Variants in SS18 observed in about 807,000 individuals in gnomAD.
SS18 encodes the protein SS18 subunit of BAF chromatin remodeling complex, also known as protein SSXT.
Under a neutral mutation model 72.5 loss-of-function variants are expected in SS18, and 28 were observed. The observed-to-expected ratio is 0.39, with a 90% CI of 0.29 to 0.53. The LOEUF (loss-of-function observed/expected upper bound fraction) is 0.53. SS18 is among the 20% of genes least tolerant of loss of function. The pLI, the probability that SS18 is intolerant of heterozygous loss-of-function variation, is 0.76. For missense variants in SS18, 518 were observed against 535.3 expected (o/e 0.97, Z 0.32); for synonymous variants, 172 against 164.2 (o/e 1.05, Z -0.37).
At chr18:26,050,537 GT>G (rs2143965696) in intron 5 of SS18, among the ~76,000 whole-genome samples, 1 of 151,912 alleles carries the variant, frequency 6.6e-6, no homozygotes, top group East Asian at 1.9e-4. Context: ...TTATTAAAAG[GT>G]AACATATAAT....
intron 10 of SS18, among the ~76,000 whole-genome samples, chr18:26,029,271 CTTGTAGGCCAGTATATCATATGGCT>C (rs2053503520): frequency 6.6e-6 from 1 of 152,116 alleles, no homozygotes; most frequent in Non-Finnish European, 1.5e-5. Context: ...CCTATATGGC[CTTGTAGGCCAGTATATCATATGGCT>C]TTTACTTAAA....
chr18:26,050,612 C>T (rs1364217904), intron 5 of SS18, among the ~76,000 whole-genome samples: 1 of 152,040 alleles, frequency 6.6e-6, no homozygotes, highest in Non-Finnish European at 1.5e-5. Flanking sequence ...CACTGTATAA[C>T]TTTCTTTTTT....
intron 2 of SS18, among the ~76,000 whole-genome samples, chr18:26,086,865 T>C (rs2054623921): frequency 6.6e-6 from 1 of 152,202 alleles, no homozygotes; most frequent in Admixed American, 6.5e-5. Context: ...GTCATTATTG[T>C]ATAATGCAGG....
At chr18:26,073,220 T>C (rs927702034) in intron 3 of SS18, among the ~76,000 whole-genome samples, 3 of 152,158 alleles carry the variant, frequency 2.0e-5, no homozygotes, top group South Asian at 2.1e-4. Flanking sequence ...TGTATTTTTA[T>C]CAACCAATGC....
intron 6 of SS18, among the ~76,000 whole-genome samples, chr18:26,038,905 A>T (rs947768359): frequency 1.3e-5 from 2 of 152,134 alleles, no homozygotes; most frequent in Non-Finnish European, 2.9e-5. Context: ...AACTCAGAAA[A>T]ACAAATGCTA....
intron 5 of SS18, among the ~76,000 whole-genome samples, chr18:26,051,217 T>C (rs951882962): frequency 6.6e-6 from 1 of 152,232 alleles, no homozygotes; most frequent in African/African-American, 2.4e-5. Flanking sequence ...AGAAGAAATT[T>C]ATAACTATGA....
At chr18:26,087,612 T>A (rs755311511) in intron 1 of SS18, 35 bp from the exon 2 acceptor site, 10 of 1,215,516 alleles carry the variant, frequency 8.2e-6, no homozygotes, top group Admixed American at 6.3e-5. Context: ...AGCATAAAAC[T>A]AGTGCATCAA....
intron 10 of SS18, among the ~76,000 whole-genome samples, chr18:26,025,344 G>C (rs371915781): frequency 3.9e-4 from 59 of 152,024 alleles, no homozygotes; most frequent in African/African-American, 1.4e-3. Flanking sequence ...TAAAACCCAA[G>C]TAAGCAGAAA....
In SS18 at chr18:26,018,136, T is replaced by C. The variant is rs2053280921; in HGVS notation, c.*218A>G. 9.1e-6 allele frequency: 4 copies of C among 441,460 alleles called. No homozygotes were observed. Among genetic ancestry groups the C allele is most frequent in the African/African-American group, 4.0e-5 (2 of 49,582 alleles). The allele number at this position is 441,460 out of a possible 1,614,324, so 27.3% of individuals were successfully genotyped here. The stretch of plus-strand genomic sequence containing the variant: ...TTGCATTTTCTGTCCAATGTTGCCA[T>C]CTAGAGTAGAAATGTGAAATCAAGA... On this transcript the variant is annotated 3_prime_UTR_variant, in exon 11 of 11. Coordinates refer to ENST00000415083, the MANE Select transcript of SS18 (RefSeq NM_001007559.3).
intron 10 of SS18, chr18:26,023,622 C>T (rs751456274): frequency 2.3e-5 from 12 of 530,110 alleles, no homozygotes; most frequent in Non-Finnish European, 4.0e-5. Context: ...ACAAACTGTC[C>T]ACCTAGAATT....
intron 10 of SS18, among the ~76,000 whole-genome samples, chr18:26,026,508 A>T (rs964237102): frequency 6.6e-6 from 1 of 152,176 alleles, no homozygotes. Context: ...GACATCTACA[A>T]AAAACCCTAC....
At position 26,023,341 on chromosome 18, in the gene SS18, C is replaced by CA. The variant is rs779476863; in HGVS notation, c.1231-4962dup. 1.1e-4 allele frequency among the ~76,000 whole-genome samples: 17 copies of CA among 152,166 alleles called. No homozygotes were observed. In the East Asian group the frequency reaches 1.5e-3, roughly 14 times the overall value. On this transcript the variant is annotated intron_variant, in intron 10 of 10. Transcript: ENST00000415083. ...ACCAAACTTGTAGAGATGAAAATGA[C>CA]AAAGTCTGAGATAACACTCAACAAA...
intron 5 of SS18, among the ~76,000 whole-genome samples, chr18:26,047,853 AAAC>A (rs2053856819): frequency 6.6e-6 from 1 of 152,262 alleles, no homozygotes; most frequent in African/African-American, 2.4e-5. Flanking sequence ...CCGTCTCAAA[AAAC>A]AACAACAAAT....
At chr18:26,090,674 G>A, upstream of SS18, 6 of 1,207,700 alleles carry the variant, frequency 5.0e-6, no homozygotes, top group Non-Finnish European at 3.5e-6. Context: ...GGAATGCGGG[G>A]AGGGGGGATG....
intron 10 of SS18, among the ~76,000 whole-genome samples, chr18:26,018,598 T>C (rs1378575454): frequency 6.6e-6 from 1 of 152,194 alleles, no homozygotes; most frequent in African/African-American, 2.4e-5. Context: ...CAAAATATGC[T>C]AGGGATTAGC....
intron 2 of SS18, chr18:26,080,276 ACCAG>A: frequency 1.1e-6 from 1 of 941,004 alleles, no homozygotes; most frequent in Non-Finnish European, 1.3e-6. Context: ...TAAAAAACCA[ACCAG>A]CCATTTTTAA....
At chr18:26,081,930 C>T (rs1455969089) in intron 2 of SS18, among the ~76,000 whole-genome samples, 1 of 151,946 alleles carries the variant, frequency 6.6e-6, no homozygotes, top group Non-Finnish European at 1.5e-5. Flanking sequence ...TGGTGGCACG[C>T]ACCTGTAGTC....
chr18:26,084,237 T>C (rs1395047636), intron 2 of SS18: 1 of 152,086 alleles, frequency 6.6e-6, no homozygotes, highest in Non-Finnish European at 1.5e-5. Context: ...AATACAGTAA[T>C]AATGTTTAAG....
chr18:26,022,711 AT>A (rs1295792090), intron 10 of SS18, among the ~76,000 whole-genome samples: 1 of 152,216 alleles, frequency 6.6e-6, no homozygotes, highest in African/African-American at 2.4e-5. Context: ...TACAAGAAAG[AT>A]CTGCCTAAAG....
Sources: gnomAD v4.1 joint callset for allele counts (sites outside exome capture counted in the v4.1 genomes callset) on GRCh38, gnomAD v4.1.1 for gene constraint, MANE v1.5 for transcripts, NCBI Gene and HGNC (gene_info 2026-07-23, HGNC 2026-07-21) for gene names.